DCDC1: variants seen among roughly 807,000 people sequenced by gnomAD.
DCDC1 encodes the protein doublecortin domain containing 1.
Under a neutral mutation model 178.3 loss-of-function variants are expected in DCDC1, and 200 were observed. That is an observed-to-expected ratio of 1.12 (90% CI 1.00 to 1.26). DCDC1 has a LOEUF of 1.26. Among genes scored for constraint, DCDC1 ranks in the 50% most tolerant of loss-of-function variants. The probability of loss-of-function intolerance (pLI) is 0.00; values close to 1 mark genes in which losing one functional copy is unlikely to be tolerated. For missense variants in DCDC1, 1,983 were observed against 1,749.2 expected, an observed-to-expected ratio of 1.13 and a Z score of -2.38; for synonymous variants, 690 against 604.8, an observed-to-expected ratio of 1.14 and a Z score of -2.07.
chr11:31,091,461 A>T lies in DCDC1; in HGVS notation c.2169T>A (p.Gly723=), dbSNP rs1957817903. 1.3e-6 allele frequency: 1 copy of T among 762,248 alleles called. No individual in the cohort carries two copies. Among genetic ancestry groups the T allele is most frequent in the Non-Finnish European group, 2.4e-6 (1 of 416,042 alleles). 47.2% of individuals were successfully genotyped at this position (762,248 alleles called of 1,614,324 possible). ...RAITQGCLAI[G]HPIRVKAAEG... Reference sequence around the variant, plus strand: ...CAGCAGCCTTGACTCTGATAGGATGACCAATAGCCAGGCAGCCCTGAGTTA... The same window carrying T: ...CAGCAGCCTTGACTCTGATAGGATGTCCAATAGCCAGGCAGCCCTGAGTTA... The change falls in exon 17 of 39, where the codon GGT becomes GGA. Residue 723 remains glycine (G), a synonymous_variant. Coordinates refer to ENST00000684477, the MANE Select transcript of DCDC1 (RefSeq NM_001387274.1).
intron 3 of DCDC1, among the ~76,000 whole-genome samples, chr11:31,323,449 C>A (rs1451992660): frequency 6.6e-6 from 1 of 152,166 alleles, no homozygotes; most frequent in Admixed American, 6.6e-5. Flanking sequence ...TACATCAAAT[C>A]TAACAACCAC....
chr11:31,251,697 T>C (rs1026118372), intron 8 of DCDC1, among the ~76,000 whole-genome samples: 2 of 151,174 alleles, frequency 1.3e-5, no homozygotes, highest in African/African-American at 4.9e-5. Flanking sequence ...CTAGATGAGA[T>C]AGGGAAGGGG....
At chr11:31,334,172 G>T (rs1425020915) in intron 2 of DCDC1, among the ~76,000 whole-genome samples, 3 of 152,090 alleles carry the variant, frequency 2.0e-5, no homozygotes, top group African/African-American at 7.2e-5. Context: ...GATCAAATCA[G>T]CTACTGAAGC....
intron 15 of DCDC1, among the ~76,000 whole-genome samples, chr11:31,098,191 CTAT>C (rs1304631488): frequency 6.6e-6 from 1 of 152,176 alleles, no homozygotes; most frequent in Non-Finnish European, 1.5e-5. Context: ...ATTCCTAAAG[CTAT>C]TCTCCTCATG....
intron 9 of DCDC1, among the ~76,000 whole-genome samples, chr11:31,230,344 T>C (rs150824001): frequency 8.3e-4 from 124 of 148,746 alleles, no homozygotes; most frequent in Non-Finnish European, 1.6e-3. Context: ...TCATAAAAAA[T>C]ATTAAGGGCC....
At chr11:31,197,741 C>T (rs748855217) in intron 9 of DCDC1, among the ~76,000 whole-genome samples, 10 of 152,004 alleles carry the variant, frequency 6.6e-5, no homozygotes, top group Non-Finnish European at 1.3e-4. Context: ...AAACTTTTAC[C>T]CTTATAATTA....
chr11:30,870,784 C>A (rs1192161800), intron 38 of DCDC1, among the ~76,000 whole-genome samples: 1 of 152,144 alleles, frequency 6.6e-6, no homozygotes, highest in Non-Finnish European at 1.5e-5. Context: ...TAGAAAATAA[C>A]ATCAAGGTCA....
chr11:30,940,982 C>T (rs575230129), intron 21 of DCDC1, among the ~76,000 whole-genome samples: 4 of 152,098 alleles, frequency 2.6e-5, no homozygotes, highest in East Asian at 1.9e-4. Flanking sequence ...CTTTCTTCTT[C>T]GTCTCACAAG....
chr11:31,247,855 C>G (rs1039076396), intron 8 of DCDC1, among the ~76,000 whole-genome samples: 1 of 152,020 alleles, frequency 6.6e-6, no homozygotes, highest in African/African-American at 2.4e-5. Context: ...TTTGAAAATA[C>G]AAGGATTTTG....
chr11:31,177,472 C>G (rs1425537619), intron 9 of DCDC1, among the ~76,000 whole-genome samples: 1 of 151,956 alleles, frequency 6.6e-6, no homozygotes, highest in Non-Finnish European at 1.5e-5. Flanking sequence ...AAGAGATTTA[C>G]AAAACAACCA....
At chr11:31,330,352 C>A (rs540852605) in intron 2 of DCDC1, among the ~76,000 whole-genome samples, 1 of 152,180 alleles carries the variant, frequency 6.6e-6, no homozygotes, top group South Asian at 2.1e-4. Flanking sequence ...TAGGTTGCCT[C>A]TTCACTCTGA....
chr11:31,294,798 AAAAG>A (rs199955696), intron 6 of DCDC1, among the ~76,000 whole-genome samples: 19,742 of 124,928 alleles, frequency 0.16, 1,664 homozygotes, highest in Non-Finnish European at 0.16. Context: ...AAAATAAAGA[AAAAG>A]AAAGAAAGAA....
At chr11:31,244,774 A>G in intron 8 of DCDC1, among the ~76,000 whole-genome samples, 1 of 151,782 alleles carries the variant, frequency 6.6e-6, no homozygotes, top group Non-Finnish European at 1.5e-5. Context: ...ACCCCTGGAA[A>G]GGTGAAAAGT....
intron 24 of DCDC1, 24 bp downstream of exon 24, chr11:30,922,479 A>C: frequency 6.7e-7 from 1 of 1,489,226 alleles, no homozygotes; most frequent in Non-Finnish European, 8.9e-7. Context: ...TGAATATATT[A>C]AGGTAAATAA....
intron 1 of DCDC1, among the ~76,000 whole-genome samples, chr11:31,335,861 A>G (rs1479055680): frequency 6.6e-6 from 1 of 152,210 alleles, no homozygotes; most frequent in Non-Finnish European, 1.5e-5. Flanking sequence ...TAAGACAATG[A>G]AGAGGAGTCC....
chr11:31,323,718 C>T lies in DCDC1; in HGVS notation c.164+4399G>A, dbSNP rs151159891. On this transcript the variant is annotated intron_variant, in intron 3 of 38. Coordinates refer to ENST00000684477, the MANE Select transcript of DCDC1 (RefSeq NM_001387274.1). ...AACTATAAACACAAAGGGAAATGAC[C>T]ATAAGTATGTTCAATAATGAATCAT... is the stretch of plus-strand genomic sequence containing the variant. 3.3e-5 allele frequency among the ~76,000 whole-genome samples: 5 copies of T among 151,814 alleles called. No homozygotes were observed. The East Asian group carries it at 9.7e-4, about 29-fold the overall frequency.
In DCDC1 at chr11:30,915,718, T is replaced by G; in HGVS notation, c.3453-7A>C. Reference sequence around the variant, plus strand: ...ACTATGCTTTGGTGAACAGCTGAGATAAAGAAATCTCTATTAGTGGCAGAA... The same window carrying G: ...ACTATGCTTTGGTGAACAGCTGAGAGAAAGAAATCTCTATTAGTGGCAGAA... On this transcript the variant is annotated splice_region_variant and splice_polypyrimidine_tract_variant and intron_variant, in intron 26 of 38. Coordinates refer to ENST00000684477, the MANE Select transcript of DCDC1 (RefSeq NM_001387274.1). 6.2e-7 allele frequency: 1 copy of G among 1,608,446 alleles called. No individual in the cohort carries two copies. The highest frequency in any genetic ancestry group is 8.5e-7 in the Non-Finnish European group (1 of 1,177,118).
chr11:31,110,132 G>A (rs901635738), intron 12 of DCDC1, 128 bp downstream of exon 12: 3 of 567,942 alleles, frequency 5.3e-6, no homozygotes, highest in Admixed American at 5.9e-5. Flanking sequence ...AAATCTTTGT[G>A]ATATCAGTCT....
intron 9 of DCDC1, among the ~76,000 whole-genome samples, chr11:31,207,256 T>C (rs1971965990): frequency 6.6e-6 from 1 of 152,156 alleles, no homozygotes; most frequent in Admixed American, 6.6e-5. Context: ...GAAATGTTTG[T>C]TATTACTAAA....
Sources: allele counts gnomAD v4.1 joint callset (sites outside exome capture counted in the v4.1 genomes callset), GRCh38; gene constraint gnomAD v4.1.1; transcripts MANE v1.5; gene names NCBI Gene and HGNC (gene_info 2026-07-23, HGNC 2026-07-21).